The following ARSK variants were observed in gnomAD, a reference collection of about 807,000 sequenced individuals.
ARSK encodes arylsulfatase K.
In ARSK, 37 loss-of-function variants were observed where a neutral mutation model predicts 53.2. The ratio of observed to expected loss-of-function variants is 0.70; its 90% CI spans 0.54 to 0.92. The LOEUF is 0.92. Ranked by LOEUF, ARSK falls within the 40% of genes least tolerant of loss-of-function variation. The pLI is 0.00. For missense variants in ARSK, 613 were observed against 643.0 expected (o/e 0.95, Z 0.51); for synonymous variants, 208 against 223.2 (o/e 0.93, Z 0.61).
intron 6 of ARSK, among the ~76,000 whole-genome samples, chr5:95,592,402 T>A (rs1474116525): frequency 2.0e-5 from 3 of 152,202 alleles, no homozygotes; most frequent in African/African-American, 7.2e-5. Context: ...AAATCAGAGT[T>A]CTTTTTATCT....
rs1271722719 is a variant in ARSK at position 95,555,329 on chromosome 5, G to C, written c.51G>C (p.Leu17=). The C allele has an allele frequency of 6.2e-7, 1 of 1,608,564 alleles. No individual in the cohort carries two copies. The highest frequency in any genetic ancestry group is 1.7e-5 in the Admixed American group (1 of 59,896). Reference sequence around the variant, plus strand: ...TCGCAGCCTTGGCGCTGGCGGTACTGGCCCCCGGAGCAGGGGAGCAGAGGC... The same window carrying C: ...TCGCAGCCTTGGCGCTGGCGGTACTCGCCCCCGGAGCAGGGGAGCAGAGGC... ...SVVAALALAV[L]APGAGEQRRR... Residue 17 remains leucine, a synonymous_variant, in exon 1 of 8, where the codon CTG becomes CTC. Coordinates refer to ENST00000380009, the MANE Select transcript of ARSK (RefSeq NM_198150.3). This position sits in a 1 kb window ranked among gnomAD's most constrained non-coding sequence, Gnocchi z 4.0.
At chr5:95,556,326 A>G (rs780051049) in intron 1 of ARSK, 9 of 684,656 alleles carry the variant, frequency 1.3e-5, no homozygotes, top group Non-Finnish European at 2.4e-5. Flanking sequence ...AATTGACTAG[A>G]TGGCATTTTA....
intron 3 of ARSK, among the ~76,000 whole-genome samples, chr5:95,574,525 G>C (rs1024653159): frequency 6.6e-6 from 1 of 151,936 alleles, no homozygotes; most frequent in African/African-American, 2.4e-5. Flanking sequence ...CCTGACTTTT[G>C]GATAAAAGCC....
intron 4 of ARSK, among the ~76,000 whole-genome samples, chr5:95,584,538 TAA>T (rs1394035746): frequency 6.6e-6 from 1 of 152,216 alleles, no homozygotes; most frequent in Non-Finnish European, 1.5e-5. Context: ...TAAGTTACTT[TAA>T]AAACTAATCA....
intron 3 of ARSK, among the ~76,000 whole-genome samples, chr5:95,575,238 G>A (rs1024781609): frequency 6.6e-6 from 1 of 152,228 alleles, no homozygotes; most frequent in Non-Finnish European, 1.5e-5. Context: ...TGCTATTTTG[G>A]TTACTAAAGC....
At chr5:95,593,626 A>G (rs1259398644) in intron 6 of ARSK, among the ~76,000 whole-genome samples, 1 of 152,210 alleles carries the variant, frequency 6.6e-6, no homozygotes, top group Non-Finnish European at 1.5e-5. Flanking sequence ...AACAGGTCAT[A>G]TAAGAAAATA....
At chr5:95,598,823 G>C (rs1428414722) in intron 6 of ARSK, among the ~76,000 whole-genome samples, 1 of 152,164 alleles carries the variant, frequency 6.6e-6, no homozygotes, top group African/African-American at 2.4e-5. Context: ...AACCAAGTAG[G>C]TTCCTGCCTT....
At position 95,564,888 on chromosome 5, in the gene ARSK, A is replaced by G. The variant is rs116339361; in HGVS notation, c.127-1110A>G. Among the ~76,000 whole-genome samples the G allele has an allele frequency of 1.7e-3, 263 of 151,936 alleles. 1 individual carries two copies. Among genetic ancestry groups the G allele is most frequent in the African/African-American group, 6.1e-3 (253 of 41,412 alleles). ...CTCTCTCCCTGAAAGGTTTTATTTA[A>G]TCTCACAGTTTTCAAAACCATGAAT... On this transcript the variant is annotated intron_variant, in intron 1 of 7. Coordinates refer to ENST00000380009, the MANE Select transcript of ARSK (RefSeq NM_198150.3).
At chr5:95,603,150 AT>A in intron 7 of ARSK, 86 bp from the exon 8 acceptor site, 1 of 1,059,510 alleles carries the variant, frequency 9.4e-7, no homozygotes. Context: ...TAAAAAAAAA[AT>A]CTAATACATT....
intron 1 of ARSK, among the ~76,000 whole-genome samples, chr5:95,562,261 T>A (rs1748649407): frequency 6.6e-6 from 1 of 152,000 alleles, no homozygotes; most frequent in Admixed American, 6.5e-5. Flanking sequence ...AAAAGAAGCA[T>A]CTCTGCCTGG....
rs1749458828 is a variant in ARSK, at chr5:95,603,952, T to C, written c.*426T>C. Reference sequence around the variant, plus strand: ...TAATAATTACCAATTTTTCATTATTTTGTAAGAATGTAGTGTATTTTAAGA... The same window carrying C: ...TAATAATTACCAATTTTTCATTATTCTGTAAGAATGTAGTGTATTTTAAGA... On this transcript the variant is annotated 3_prime_UTR_variant, in exon 8 of 8. Coordinates refer to ENST00000380009, the MANE Select transcript of ARSK (RefSeq NM_198150.3). The C allele has an allele frequency of 6.6e-6, 1 of 152,088 alleles. No individual in the cohort carries two copies. The highest frequency in any genetic ancestry group is 1.5e-5 in the Non-Finnish European group (1 of 68,010). The allele number at this position is 152,088 out of a possible 1,614,324, so 9.4% of individuals were successfully genotyped here.
At chr5:95,584,802 G>A (rs1308329608) in intron 4 of ARSK, among the ~76,000 whole-genome samples, 1 of 152,112 alleles carries the variant, frequency 6.6e-6, no homozygotes, top group Admixed American at 6.5e-5. Context: ...CCTGAGGTCA[G>A]GAGTTCGAGA....
intron 3 of ARSK, chr5:95,581,059 A>G (rs1749013757): frequency 4.1e-6 from 2 of 488,972 alleles, no homozygotes; most frequent in Non-Finnish European, 3.2e-6. Context: ...TGCTAAAGCC[A>G]TGCTTATGAA....
rs1212245406 is a variant in ARSK, at chr5:95,601,091, T to A, written c.1321+20T>A. On this transcript the variant is annotated intron_variant, in intron 7 of 7. Coordinates refer to ENST00000380009, the MANE Select transcript of ARSK (RefSeq NM_198150.3). ...TCTTTGGTAAGTTTGTTAATATATT[T>A]TTAAGTGTAATATTATGTGTAATGA... is the stretch of plus-strand genomic sequence containing the variant. 8 of 1,587,230 alleles carry A rather than the reference T, an allele frequency of 5.0e-6. No homozygotes were observed. In the African/African-American group the frequency reaches 8.1e-5, roughly 16 times the overall value.
At chr5:95,602,835 A>G (rs991071058) in intron 7 of ARSK, among the ~76,000 whole-genome samples, 3 of 152,206 alleles carry the variant, frequency 2.0e-5, no homozygotes, top group Admixed American at 2.0e-4. Context: ...TGACTTGTCT[A>G]TATAAAGAAT....
intron 4 of ARSK, among the ~76,000 whole-genome samples, chr5:95,585,407 A>G (rs894733309): frequency 6.6e-6 from 1 of 152,228 alleles, no homozygotes; most frequent in Admixed American, 6.5e-5. Context: ...TTGCAAAAAT[A>G]TAGAACCAGC....
chr5:95,563,508 G>A (rs531049627), intron 1 of ARSK, among the ~76,000 whole-genome samples: 37 of 152,280 alleles, frequency 2.4e-4, no homozygotes, highest in African/African-American at 7.9e-4. Flanking sequence ...CATGACGGCA[G>A]TCGCCCCCTC....
intron 1 of ARSK, among the ~76,000 whole-genome samples, chr5:95,558,261 C>T (rs1686858390): frequency 6.6e-6 from 1 of 152,166 alleles, no homozygotes; most frequent in African/African-American, 2.4e-5. Context: ...CCCTAATTGC[C>T]CTGGCCCTAG....
Position 95,603,486 on chromosome 5 carries a change from A to G in ARSK, c.1571A>G (p.Asp524Gly), listed in dbSNP as rs146851268. 3.5e-5 allele frequency: 56 copies of G among 1,612,416 alleles called. No homozygotes were observed. Among genetic ancestry groups the G allele is most frequent in the Non-Finnish European group, 4.4e-5 (52 of 1,179,552 alleles). Residue 524 changes from aspartate (D) to glycine (G), a missense_variant, in exon 8 of 8, where the codon GAT becomes GGT. Coordinates refer to ENST00000380009, the MANE Select transcript of ARSK (RefSeq NM_198150.3). ...KEPRKYENAI[D>G]QWLKTHMNPR... Reference sequence around the variant, plus strand: ...CCAAGGAAGTATGAAAATGCAATTGATCAGTGGCTTAAAACCCATATGAAT... The same window carrying G: ...CCAAGGAAGTATGAAAATGCAATTGGTCAGTGGCTTAAAACCCATATGAAT...
Sources: gnomAD v4.1 joint callset for allele counts (sites outside exome capture counted in the v4.1 genomes callset) on GRCh38, gnomAD v4.1.1 for gene constraint, Gnocchi (gnomAD v3.1) non-coding constraint, MANE v1.5 for transcripts, NCBI Gene and HGNC (gene_info 2026-07-23, HGNC 2026-07-21) for gene names.